Variants in STAB2 observed in about 807,000 individuals in gnomAD.
STAB2 encodes the protein stabilin 2.
In STAB2, 288 loss-of-function variants were observed where a neutral mutation model predicts 338.1. The observed-to-expected ratio is 0.85, with a 90% CI of 0.77 to 0.94. The LOEUF is 0.94. STAB2 is among the 40% of genes least tolerant of loss of function. The pLI is 0.00. For synonymous variants in STAB2, 1,202 were observed against 1,193.3 expected (o/e 1.01, Z -0.15); for missense variants, 3,141 against 3,210.1 (o/e 0.98, Z 0.52).
rs1226191533 is a variant in STAB2, at chr12:103,730,125, T to C, written c.5092T>C (p.Tyr1698His). The C allele has an allele frequency of 6.2e-7, 1 of 1,600,508 alleles. No individual in the cohort carries two copies. Among genetic ancestry groups the C allele is most frequent in the Non-Finnish European group, 8.5e-7 (1 of 1,174,788 alleles). ...TTTTGGTTGATTTCAGAGCACGGTG[T>C]ATATAAACAATAAGGCTAAGATCAT... ...IVISVSQSTVYINNKAKIISS... is the reference protein window; with the variant it reads ...IVISVSQSTVHINNKAKIISS... Residue 1698 changes from tyrosine (Y) to histidine (H), a missense_variant, in exon 49 of 69, where the codon TAT becomes CAT. Tyr to His is a moderately conservative substitution (Grantham distance 83). Transcript: ENST00000388887.
intron 61 of STAB2, among the ~76,000 whole-genome samples, chr12:103,753,629 A>G (rs990158219): frequency 6.6e-6 from 1 of 152,246 alleles, no homozygotes; most frequent in African/African-American, 2.4e-5. Context: ...AGATAGGGAA[A>G]CTGAGGCTTA....
intron 11 of STAB2, among the ~76,000 whole-genome samples, chr12:103,651,314 A>ATTTTTT (rs10669870): frequency 7.5e-6 from 1 of 132,696 alleles, no homozygotes; most frequent in Non-Finnish European, 1.6e-5. Context: ...CCTGATCTTG[A>ATTTTTT]TTTTTTTTTT....
At chr12:103,647,764 A>G (rs546780363) in intron 9 of STAB2, among the ~76,000 whole-genome samples, 1 of 152,352 alleles carries the variant, frequency 6.6e-6, no homozygotes, top group African/African-American at 2.4e-5. Flanking sequence ...GTTGGTTGTT[A>G]AACATTTATC....
At chr12:103,624,674 C>T (rs1957352897) in intron 5 of STAB2, among the ~76,000 whole-genome samples, 2 of 152,332 alleles carry the variant, frequency 1.3e-5, no homozygotes, top group South Asian at 4.1e-4. Flanking sequence ...GGCTCAGTGG[C>T]TCACGCCTGT....
intron 65 of STAB2, 76 bp downstream of exon 65, chr12:103,759,349 A>G: frequency 6.4e-7 from 1 of 1,556,604 alleles, no homozygotes; most frequent in Non-Finnish European, 8.7e-7. Flanking sequence ...TAGGTGCTTA[A>G]TAGATGGCAA....
At chr12:103,702,022 A>ACACACACACACACACACC (rs1555242449) in intron 34 of STAB2, among the ~76,000 whole-genome samples, 1 of 122,332 alleles carries the variant, frequency 8.2e-6, no homozygotes, top group Non-Finnish European at 1.8e-5. Flanking sequence ...ACACACACAC[A>ACACACACACACACACACC]CCCCACCCCA....
chr12:103,597,151 G>C (rs545935907), intron 3 of STAB2, among the ~76,000 whole-genome samples: 2 of 152,062 alleles, frequency 1.3e-5, no homozygotes, highest in South Asian at 2.1e-4. Context: ...GTCTCGAAAG[G>C]CTTCCTTCCT....
chr12:103,614,235 G>C (rs1054440296), intron 3 of STAB2, among the ~76,000 whole-genome samples: 3 of 152,116 alleles, frequency 2.0e-5, no homozygotes, highest in Admixed American at 2.0e-4. Context: ...TTTTTTCTGT[G>C]TCCATTTTGA....
rs757716139 is a variant in STAB2, at chr12:103,728,939, T to C, written c.5026T>C (p.Leu1676=). 3 of 1,613,962 alleles carry C rather than the reference T, an allele frequency of 1.9e-6. No individual in the cohort carries two copies. Among genetic ancestry groups the C allele is most frequent in the Non-Finnish European group, 2.5e-6 (3 of 1,179,860 alleles). ...CHQLLLENLK[L]ISNATSLQGE... is the part of the protein sequence containing the mutation. ...CCAGCTGCTTCTGGAAAACCTGAAA[T>C]TGATCTCAAATGCTACTTCCCTCCA... The change falls in exon 48 of 69, where the codon TTG becomes CTG. Residue 1676 remains leucine, a synonymous_variant. Transcript: ENST00000388887.
intron 3 of STAB2, among the ~76,000 whole-genome samples, chr12:103,609,314 C>T (rs1957083365): frequency 6.6e-6 from 1 of 152,210 alleles, no homozygotes; most frequent in African/African-American, 2.4e-5. Flanking sequence ...TCTTCCTACC[C>T]ATGAGCATGG....
At chr12:103,740,900 T>A in intron 55 of STAB2, 144 bp downstream of exon 55, 1 of 1,202,050 alleles carries the variant, frequency 8.3e-7, no homozygotes, top group South Asian at 1.9e-5. Context: ...CTCTGAAGAG[T>A]TGTGTATCAT....
At chr12:103,756,540 G>A (rs987581133) in intron 63 of STAB2, among the ~76,000 whole-genome samples, 1 of 152,156 alleles carries the variant, frequency 6.6e-6, no homozygotes, top group Non-Finnish European at 1.5e-5. Flanking sequence ...CTATATCCAC[G>A]TTTTAGATGA....
intron 5 of STAB2, among the ~76,000 whole-genome samples, chr12:103,624,095 A>G (rs920358511): frequency 2.6e-5 from 4 of 152,222 alleles, no homozygotes; most frequent in Admixed American, 2.6e-4. Context: ...TTTTGGCAAG[A>G]AAACCTATGC....
chr12:103,644,461 C>T (rs906874045), intron 9 of STAB2, among the ~76,000 whole-genome samples: 10 of 148,986 alleles, frequency 6.7e-5, no homozygotes, highest in East Asian at 4.0e-4. Flanking sequence ...TCTGCTGACC[C>T]TCCCTCCACT....
intron 3 of STAB2, 43 bp from the exon 4 acceptor site, chr12:103,620,425 G>A (rs372795694): frequency 2.6e-6 from 4 of 1,523,122 alleles, no homozygotes. Context: ...GAATGCTTGT[G>A]TGCAGTCACG....
Position 103,766,623 on chromosome 12 carries a change from C to A in STAB2, c.*287C>A. The A allele has an allele frequency of 2.7e-6, 1 of 375,086 alleles. No individual in the cohort carries two copies. The highest frequency in any genetic ancestry group is 4.9e-6 in the Non-Finnish European group (1 of 203,344). The allele number at this position is 375,086 out of a possible 1,614,324, so 23.2% of individuals were successfully genotyped here. ...GATGGGTAACTGTGATCTTTCTTCC[C>A]TGTTAGATTGTAAGCCTCCGTCTTT... On this transcript the variant is annotated 3_prime_UTR_variant, in exon 69 of 69. Coordinates refer to ENST00000388887, the MANE Select transcript of STAB2 (RefSeq NM_017564.10).
At chr12:103,698,587 T>C (rs1304017357) in intron 33 of STAB2, among the ~76,000 whole-genome samples, 1 of 152,024 alleles carries the variant, frequency 6.6e-6, no homozygotes, top group Non-Finnish European at 1.5e-5. Flanking sequence ...ACTATGCAAG[T>C]GCAAATCGGT....
rs1418358019 is a variant in STAB2, at chr12:103,677,608, G to A, written c.2802G>A (p.Gly934=). The A allele has an allele frequency of 1.2e-6, 2 of 1,610,514 alleles. No individual in the cohort carries two copies. The highest frequency in any genetic ancestry group is 1.3e-5 in the African/African-American group (1 of 74,878). The change falls in exon 25 of 69, where the codon GGG becomes GGA. Residue 934 remains glycine (G), a synonymous_variant. Coordinates refer to ENST00000388887, the MANE Select transcript of STAB2 (RefSeq NM_017564.10). ...DNASCLYVGP[G]QNECECKKGF... ...CATCCTGTTTGTATGTGGGTCCCGG[G>A]CAGGTAGGTTGGATGTCATGAGAGC... is the stretch of plus-strand genomic sequence containing the variant.
intron 55 of STAB2, 21 bp downstream of exon 55, chr12:103,740,777 C>A (rs751590225): frequency 1.3e-6 from 2 of 1,553,216 alleles, no homozygotes; most frequent in Admixed American, 2.2e-5. Context: ...CTCTTCCCCC[C>A]TCGCAACTCT....
Sources: gnomAD v4.1 joint callset for allele counts (sites outside exome capture counted in the v4.1 genomes callset) on GRCh38, gnomAD v4.1.1 for gene constraint, MANE v1.5 for transcripts, NCBI Gene and HGNC (gene_info 2026-07-23, HGNC 2026-07-21) for gene names.